The following EPHB4 variants were observed in gnomAD, a reference collection of about 807,000 sequenced individuals.
The protein encoded by EPHB4 is EPH receptor B4, also known as ephrin type-B receptor 4.
EPHB4 carries 50 observed loss-of-function variants against 110.6 expected under a neutral mutation model. The ratio of observed to expected loss-of-function variants is 0.45; its 90% CI spans 0.36 to 0.57. The LOEUF (loss-of-function observed/expected upper bound fraction) is 0.57, where lower values mean the gene tolerates loss of function less well. Among genes scored for constraint, EPHB4 ranks in the 20% least tolerant of loss-of-function variants. The probability of loss-of-function intolerance (pLI) is 0.00; values close to 1 mark genes in which losing one functional copy is unlikely to be tolerated. For missense variants in EPHB4, 1,128 were observed against 1,382.1 expected (o/e 0.82, Z 2.91); for synonymous variants, 592 against 578.4 (o/e 1.02, Z -0.34).
At chr7:100,803,738 G>A (rs1812752170) in intron 16 of EPHB4, 148 bp from the exon 17 acceptor site, 1 of 1,130,874 alleles carries the variant, frequency 8.8e-7, no homozygotes, top group Non-Finnish European at 1.2e-6. Flanking sequence ...CAGTTCCCGG[G>A]CAGTTTTTTT....
chr7:100,823,241 C>T (rs1195365723), intron 3 of EPHB4, among the ~76,000 whole-genome samples: 2 of 152,112 alleles, frequency 1.3e-5, no homozygotes, highest in Non-Finnish European at 2.9e-5. Context: ...GGCAAGATCT[C>T]GGGAGCTGGA....
In EPHB4 at chr7:100,817,328, G is replaced by C. The variant is rs1218554166; in HGVS notation, c.1452C>G (p.Phe484Leu). The C allele has an allele frequency of 1.3e-6, 2 of 1,584,634 alleles. No individual in the cohort carries two copies. The highest frequency in any genetic ancestry group is 1.7e-6 in the Non-Finnish European group (2 of 1,166,526). The change falls in exon 8 of 17, where the codon TTC becomes TTG. Residue 484 changes from phenylalanine to leucine, a missense_variant. Transcript: ENST00000358173. The stretch of plus-strand genomic sequence containing the variant: ...CTGCCCGGTTTTCTGACGTCTTCAG[G>C]AACCGCACGCTGCTGGGACCCTCGG... ...KGAEGPSSVR[F>L]LKTSENRAEL... is the part of the protein sequence containing the mutation.
Position 100,802,865 on chromosome 7 carries a change from T to C in EPHB4, c.*596A>G, listed in dbSNP as rs1812726532. 1.3e-5 allele frequency: 2 copies of C among 152,032 alleles called. No homozygotes were observed. The highest frequency in any genetic ancestry group is 6.6e-5 in the Admixed American group (1 of 15,250). The allele number at this position is 152,032 out of a possible 1,614,324, so 9.4% of individuals were successfully genotyped here. ...ACAGGTTCCCTCCAACACAAAGTTA[T>C]GACAAGGACGGTAGAAAAACAAAAC... is the stretch of plus-strand genomic sequence containing the variant. On this transcript the variant is annotated 3_prime_UTR_variant, in exon 17 of 17. Coordinates refer to ENST00000358173, the MANE Select transcript of EPHB4 (RefSeq NM_004444.5).
rs920018391 is a variant in EPHB4 at position 100,823,515 on chromosome 7, G to C, written c.411+129C>G. The C allele has an allele frequency of 1.0e-4, 127 of 1,241,362 alleles. No homozygotes were observed. The Middle Eastern group carries it at 1.4e-3, about 13-fold the overall frequency. The allele number at this position is 1,241,362 out of a possible 1,614,324, so 76.9% of individuals were successfully genotyped here. On this transcript the variant is annotated intron_variant, in intron 3 of 16. Coordinates refer to ENST00000358173, the MANE Select transcript of EPHB4 (RefSeq NM_004444.5). ...CACCCCCTTCCCTCCCCAGACCTAA[G>C]CCTCCTGCTTCCAGCCCCCAGCGCG...
rs1393727417 is a variant in EPHB4, at chr7:100,823,713, G to C, written c.342C>G (p.Phe114Leu). The C allele has an allele frequency of 2.5e-6, 4 of 1,613,628 alleles. No individual in the cohort carries two copies. Among genetic ancestry groups the C allele is most frequent in the African/African-American group, 2.7e-5 (2 of 75,060 alleles). ...CCGTGTCCGCATCGCTCTCATAGTAGAAGACGGTGAAGGTCTCCTTGCAGG... is the reference window on the plus strand; with the variant it reads ...CCGTGTCCGCATCGCTCTCATAGTACAAGACGGTGAAGGTCTCCTTGCAGG... Reference protein sequence around the residue: ...GRSCKETFTVFYYESDADTAT... With the variant: ...GRSCKETFTVLYYESDADTAT... Residue 114 changes from phenylalanine (F) to leucine (L), a missense_variant, in exon 3 of 17, where the codon TTC becomes TTG. By Grantham distance (22) the Phe-to-Leu change is conservative (BLOSUM62 0). Coordinates refer to ENST00000358173, the MANE Select transcript of EPHB4 (RefSeq NM_004444.5).
In EPHB4 at chr7:100,826,889, C is replaced by CA; in HGVS notation, c.52+89dup. 5 of 1,456,556 alleles carry CA rather than the reference C, an allele frequency of 3.4e-6. No individual in the cohort carries two copies. The South Asian group carries it at 6.6e-5, about 19-fold the overall frequency. 90.2% of individuals were successfully genotyped at this position (1,456,556 alleles called of 1,614,324 possible). On this transcript the variant is annotated intron_variant, in intron 1 of 16. Coordinates refer to ENST00000358173, the MANE Select transcript of EPHB4 (RefSeq NM_004444.5). The stretch of plus-strand genomic sequence containing the variant: ...ACTGCAGTGCCCGGGTAGGGGTAGT[C>CA]AGAGGCCGGCCCCTCCACTCCGAGG...
Position 100,822,590 on chromosome 7 carries a change from C to T in EPHB4, c.489G>A (p.Thr163=), listed in dbSNP as rs61130921. 8,019 of 1,611,072 alleles carry T rather than the reference C, an allele frequency of 5.0e-3. 304 individuals are homozygous for T. In the African/African-American group the frequency reaches 0.09, roughly 18 times the overall value. ...AEATGKVNVK[T]LRLGPLSKAG... is the part of the protein sequence containing the mutation. ...CCTTGCTGAGCGGTCCCAGACGCAG[C>T]GTCTTGACATTCACCTTCCCGGTGG... is the stretch of plus-strand genomic sequence containing the variant. The change falls in exon 4 of 17, where the codon ACG becomes ACA. Residue 163 remains threonine (T), a synonymous_variant. Coordinates refer to ENST00000358173, the MANE Select transcript of EPHB4 (RefSeq NM_004444.5). The surrounding 1 kb of genome is among the most constrained non-coding windows in gnomAD (Gnocchi z 4.7).
chr7:100,807,205 G>A lies in EPHB4; in HGVS notation c.2334+160C>T, dbSNP rs534833080. Among the ~76,000 whole-genome samples the A allele has an allele frequency of 1.4e-4, 21 of 152,138 alleles. 1 individual carries two copies. The South Asian group carries it at 1.9e-3, about 14-fold the overall frequency. The stretch of plus-strand genomic sequence containing the variant: ...CCAACTGTTATTTTCCTAGACATCT[G>A]GAAGTCGGCTTCCTGGAGCTGACTG... On this transcript the variant is annotated intron_variant, in intron 13 of 16. Coordinates refer to ENST00000358173, the MANE Select transcript of EPHB4 (RefSeq NM_004444.5).
In EPHB4 at chr7:100,819,738, G is replaced by C. The variant is rs763613092; in HGVS notation, c.1116C>G (p.Pro372=). Residue 372 remains proline, a synonymous_variant, in exon 6 of 17, where the codon CCC becomes CCG. Coordinates refer to ENST00000358173, the MANE Select transcript of EPHB4 (RefSeq NM_004444.5). ...GGTCAAAAGTCAGGTCTCCCCCGCA[G>C]GGCGCACAGGAGCCTCCGGGTCGGC... ...RECRPGGSCA[P]CGGDLTFDPG... 4 of 1,610,632 alleles carry C rather than the reference G, an allele frequency of 2.5e-6. No homozygotes were observed. The highest frequency in any genetic ancestry group is 3.4e-6 in the Non-Finnish European group (4 of 1,178,748).
Position 100,823,813 on chromosome 7 carries a change from C to T in EPHB4, c.242G>A (p.Arg81Gln), listed in dbSNP as rs746477743. 2.9e-5 allele frequency: 47 copies of T among 1,613,140 alleles called. No individual in the cohort carries two copies. The highest frequency in any genetic ancestry group is 1.6e-4 in the Middle Eastern group (1 of 6,074). The change falls in exon 3 of 17, where the codon CGG becomes CAG. Residue 81 changes from arginine (R) to glutamine (Q), a missense_variant. This residue lies in a region of EPHB4 where 728 missense variants were observed against 828.6 expected (regional missense o/e 0.88). Transcript: ENST00000358173. Reference protein sequence around the residue: ...HWLRTGWVPRRGAVHVYATLR... With the variant: ...HWLRTGWVPRQGAVHVYATLR... ...CGTGGCGTACACGTGGACGGCGCCC[C>T]GCCGTGGGACCCAACCTGTGCGAAG...
chr7:100,812,599 A>T, intron 12 of EPHB4, 148 bp downstream of exon 12: 1 of 1,170,484 alleles, frequency 8.5e-7, no homozygotes, highest in Non-Finnish European at 1.2e-6. Flanking sequence ...AAAAAAAAGA[A>T]AAGGCAGAGG....
chr7:100,817,443 C>T (rs1301021998), intron 7 of EPHB4, 86 bp from the exon 8 acceptor site: 50 of 1,430,550 alleles, frequency 3.5e-5, no homozygotes, highest in African/African-American at 4.4e-5. Flanking sequence ...GCCCTCCACT[C>T]CCATCACTAG....
chr7:100,824,530 G>A, intron 1 of EPHB4: 2 of 504,292 alleles, frequency 4.0e-6, no homozygotes, highest in Non-Finnish European at 7.2e-6. Flanking sequence ...CCTGGAGGAG[G>A]GAGGGAGATC....
At chr7:100,804,143 C>T (rs1160646080) in intron 16 of EPHB4, among the ~76,000 whole-genome samples, 6 of 152,026 alleles carry the variant, frequency 3.9e-5, no homozygotes, top group African/African-American at 1.4e-4. Context: ...ACCACAGGCA[C>T]GCACCACCAT....
At chr7:100,810,349 A>G (rs1313631521) in intron 12 of EPHB4, among the ~76,000 whole-genome samples, 2 of 152,354 alleles carry the variant, frequency 1.3e-5, no homozygotes, top group African/African-American at 2.4e-5. Context: ...GAAGAATTTC[A>G]TAAATCCAGA....
At chr7:100,806,118 C>A (rs1460503295) in intron 14 of EPHB4, 2 of 251,358 alleles carry the variant, frequency 8.0e-6, no homozygotes, top group Non-Finnish European at 7.5e-6. Flanking sequence ...GCCCATCATG[C>A]TGGGCTAATT....
At position 100,826,963 on chromosome 7, in the gene EPHB4, C is replaced by CG. The variant is rs764115909; in HGVS notation, c.52+15_52+16insC. On this transcript the variant is annotated intron_variant, in intron 1 of 16. Transcript: ENST00000358173. ...CAGGAGTGACGGGGTGCGCCCCCCCCCGCAAGGAAACTCACCTTCCAAAGC... is the reference window on the plus strand; with the variant it reads ...CAGGAGTGACGGGGTGCGCCCCCCCCGCGCAAGGAAACTCACCTTCCAAAGC... The CG allele has an allele frequency of 1.3e-5, 19 of 1,517,930 alleles. 1 individual carries two copies. The East Asian group carries it at 3.2e-4, about 26-fold the overall frequency. The allele number at this position is 1,517,930 out of a possible 1,614,324, so 94.0% of individuals were successfully genotyped here. A position where few individuals can be genotyped will look rare whatever the true frequency, so the allele number is the denominator to read the frequency against.
chr7:100,822,391 C>T lies in EPHB4; in HGVS notation c.688G>A (p.Ala230Thr), dbSNP rs142009811. 8.9e-6 allele frequency: 14 copies of T among 1,572,064 alleles called. No homozygotes were observed. In the South Asian group the frequency reaches 1.1e-4, roughly 13 times the overall value. The change falls in exon 4 of 17, where the codon GCC (alanine) becomes ACC (threonine). Residue 230 changes from alanine to threonine, a missense_variant. Transcript: ENST00000358173. The surrounding 1 kb of genome is among the most constrained non-coding windows in gnomAD (Gnocchi z 4.7). ...TAGAGGCTGGGGCTGGGGCCAGGGG[C>T]GGGGACGGCATCCACCACGCAGCTA... ...AGSCVVDAVP[A>T]PGPSPSLYCR...
chr7:100,820,812 G>GA (rs1329754068), intron 4 of EPHB4, among the ~76,000 whole-genome samples: 1 of 151,810 alleles, frequency 6.6e-6, no homozygotes, highest in African/African-American at 2.4e-5. Flanking sequence ...CTGTGATACT[G>GA]AAGTCACCAT....
Sources: allele counts gnomAD v4.1 joint callset (sites outside exome capture counted in the v4.1 genomes callset), GRCh38; gene constraint gnomAD v4.1.1; regional missense constraint gnomAD v4.1.1; non-coding constraint Gnocchi (gnomAD v3.1); transcripts MANE v1.5; gene names NCBI Gene and HGNC (gene_info 2026-07-23, HGNC 2026-07-21).